Variants in PLCB1 observed in about 807,000 individuals in gnomAD.
PLCB1 encodes phospholipase C beta 1, also known as 1-phosphatidylinositol 4,5-bisphosphate phosphodiesterase beta-1.
PLCB1 carries 46 observed loss-of-function variants against 161.8 expected under a neutral mutation model. The observed-to-expected ratio is 0.28, with a 90% CI of 0.22 to 0.36. PLCB1 has a LOEUF of 0.36. Ranked by LOEUF, PLCB1 falls within the 10% of genes least tolerant of loss-of-function variation. PLCB1 has a pLI of 1.00. For synonymous variants in PLCB1, 517 were observed against 503.7 expected (o/e 1.03, Z -0.35); for missense variants, 1,016 against 1,472.5 (o/e 0.69, Z 5.07).
intron 14 of PLCB1, among the ~76,000 whole-genome samples, chr20:8,720,302 A>G (rs1213970645): frequency 6.6e-6 from 1 of 152,236 alleles, no homozygotes; most frequent in Admixed American, 6.5e-5. Context: ...TTATTGCTTA[A>G]TATAGAGAAA....
chr20:8,194,943 A>G (rs1458111107), intron 2 of PLCB1, among the ~76,000 whole-genome samples: 1 of 151,958 alleles, frequency 6.6e-6, no homozygotes, highest in African/African-American at 2.4e-5. Flanking sequence ...AACACCACTG[A>G]AGAGAGTTCT....
Position 8,727,535 on chromosome 20 carries a change from C to T in PLCB1, c.1763+142C>T, listed in dbSNP as rs61636443. ...GGGGCGGATAAATAGTTTCAGGTAT[C>T]ATATACAATGCTGGGCGGGGTAGTC... On this transcript the variant is annotated intron_variant, in intron 17 of 31. Transcript: ENST00000338037. 556 of 542,922 alleles carry T rather than the reference C, an allele frequency of 1.0e-3. 7 individuals carry two copies. The East Asian group carries it at 0.016, about 15-fold the overall frequency. The allele number at this position is 542,922 out of a possible 1,614,324, so 33.6% of individuals were successfully genotyped here. A position where few individuals can be genotyped will look rare whatever the true frequency, so the allele number is the denominator to read the frequency against.
intron 3 of PLCB1, among the ~76,000 whole-genome samples, chr20:8,490,464 A>C (rs994571361): frequency 2.6e-5 from 4 of 152,250 alleles, no homozygotes; most frequent in African/African-American, 4.8e-5. Flanking sequence ...AAAATCCGCT[A>C]TGAACATTCA....
At chr20:8,679,721 T>G (rs1359620956) in intron 9 of PLCB1, among the ~76,000 whole-genome samples, 3 of 152,252 alleles carry the variant, frequency 2.0e-5, no homozygotes, top group African/African-American at 7.2e-5. Context: ...GACTTTTAAA[T>G]GCCATTATAT....
intron 23 of PLCB1, among the ~76,000 whole-genome samples, chr20:8,753,636 C>T (rs1299702565): frequency 1.3e-5 from 2 of 152,160 alleles, no homozygotes; most frequent in East Asian, 1.9e-4. Context: ...TGCACCATCT[C>T]AGAATTCCAG....
intron 3 of PLCB1, among the ~76,000 whole-genome samples, chr20:8,427,775 G>A (rs2122567083): frequency 6.6e-6 from 1 of 152,236 alleles, no homozygotes; most frequent in East Asian, 1.9e-4. Context: ...AGCTTCTCTT[G>A]GAGCCCTATA....
chr20:8,156,225 G>A (rs1374286588), intron 2 of PLCB1, among the ~76,000 whole-genome samples: 2 of 152,158 alleles, frequency 1.3e-5, no homozygotes, highest in African/African-American at 4.8e-5. Flanking sequence ...GGGATTCAGT[G>A]GATAAATACC....
chr20:8,757,911 T>G (rs530791786), intron 24 of PLCB1, among the ~76,000 whole-genome samples: 1 of 151,536 alleles, frequency 6.6e-6, no homozygotes, highest in Non-Finnish European at 1.5e-5. Flanking sequence ...AATCCTTTGA[T>G]TTCTACGCAG....
At chr20:8,684,060 AT>A (rs1323509696) in intron 9 of PLCB1, among the ~76,000 whole-genome samples, 5 of 150,618 alleles carry the variant, frequency 3.3e-5, no homozygotes, top group East Asian at 2.0e-4. Flanking sequence ...ATTTTTCTGT[AT>A]TTTTAGTAGA....
At chr20:8,139,541 G>A (rs1378768308) in intron 1 of PLCB1, among the ~76,000 whole-genome samples, 1 of 152,028 alleles carries the variant, frequency 6.6e-6, no homozygotes, top group African/African-American at 2.4e-5. Context: ...TCAATATATA[G>A]CATTGATATC....
intron 3 of PLCB1, among the ~76,000 whole-genome samples, chr20:8,558,563 G>C (rs6055899): frequency 0.1 from 15,788 of 151,206 alleles, 1,090 homozygotes; most frequent in East Asian, 0.18. Flanking sequence ...TTGATAAAAG[G>C]CATAAATCTA....
intron 3 of PLCB1, among the ~76,000 whole-genome samples, chr20:8,615,916 C>T (rs1988028837): frequency 1.3e-5 from 2 of 152,176 alleles, no homozygotes; most frequent in Admixed American, 1.3e-4. Flanking sequence ...AAACCAAACT[C>T]ATAATCATAA....
intron 3 of PLCB1, among the ~76,000 whole-genome samples, chr20:8,571,070 A>G (rs1986494370): frequency 6.6e-6 from 1 of 152,252 alleles, no homozygotes; most frequent in South Asian, 2.1e-4. Context: ...GCACCAGGTC[A>G]TGTAAAACTG....
At chr20:8,647,458 C>T (rs727040) in intron 5 of PLCB1, among the ~76,000 whole-genome samples, 38,518 of 152,038 alleles carry the variant, frequency 0.25, 5,219 homozygotes, top group Admixed American at 0.33. Flanking sequence ...TGGGCCTTAG[C>T]GTGTGCAGCT....
At chr20:8,328,006 G>A (rs1239739210) in intron 2 of PLCB1, among the ~76,000 whole-genome samples, 1 of 151,984 alleles carries the variant, frequency 6.6e-6, no homozygotes, top group Non-Finnish European at 1.5e-5. Context: ...ACAAATGCAG[G>A]TTGAGTATTC....
At chr20:8,860,881 A>G (rs1321588199) in intron 31 of PLCB1, among the ~76,000 whole-genome samples, 1 of 152,218 alleles carries the variant, frequency 6.6e-6, no homozygotes, top group Non-Finnish European at 1.5e-5. Context: ...CTTTCAACTC[A>G]GTGTTGTGAC....
intron 3 of PLCB1, among the ~76,000 whole-genome samples, chr20:8,408,999 C>T (rs764521292): frequency 2.0e-5 from 3 of 152,136 alleles, no homozygotes; most frequent in African/African-American, 7.2e-5. Context: ...CAGTATTTTA[C>T]ATGGTATTCA....
At chr20:8,716,433 T>A (rs1979315711) in intron 13 of PLCB1, 85 bp downstream of exon 13, 1 of 965,822 alleles carries the variant, frequency 1.0e-6, no homozygotes, top group Non-Finnish European at 1.6e-6. Flanking sequence ...CCTTTTCATA[T>A]TTATGTTTCT....
chr20:8,812,083 T>A (rs1463110760), intron 31 of PLCB1, among the ~76,000 whole-genome samples: 3 of 152,184 alleles, frequency 2.0e-5, no homozygotes, highest in African/African-American at 4.8e-5. Flanking sequence ...CAAATTCCTT[T>A]AACTTCTTCT....
Sources: allele counts gnomAD v4.1 joint callset (sites outside exome capture counted in the v4.1 genomes callset), GRCh38; gene constraint gnomAD v4.1.1; transcripts MANE v1.5; gene names NCBI Gene and HGNC (gene_info 2026-07-23, HGNC 2026-07-21).